C1orf87: variants seen among roughly 807,000 people sequenced by gnomAD.
C1orf87 encodes uncharacterized protein C1orf87.
C1orf87 carries 58 observed loss-of-function variants against 60.5 expected under a neutral mutation model. The ratio of observed to expected loss-of-function variants is 0.96; its 90% confidence interval spans 0.78 to 1.19. C1orf87 has a LOEUF of 1.19. Among genes scored for constraint, C1orf87 ranks in the 50% most tolerant of loss-of-function variants. C1orf87 has a pLI of 0.00. For synonymous variants in C1orf87, 236 were observed against 227.4 expected (o/e 1.04, Z -0.34); for missense variants, 673 against 638.6 (o/e 1.05, Z -0.58).
chr1:60,040,807 G>A (rs1173708236), intron 4 of C1orf87, among the ~76,000 whole-genome samples, 184 bp downstream of exon 4: 1 of 145,194 alleles, frequency 6.9e-6, no homozygotes, highest in Non-Finnish European at 1.5e-5. Flanking sequence ...TGTCCAGGCT[G>A]GTCTCAAACT....
At chr1:60,047,969 G>A (rs1645385215) in intron 3 of C1orf87, among the ~76,000 whole-genome samples, 1 of 151,930 alleles carries the variant, frequency 6.6e-6, no homozygotes, top group Non-Finnish European at 1.5e-5. Flanking sequence ...TTAATATATA[G>A]TTAGGTTCAT....
chr1:60,006,919 C>CTTT (rs112399680), intron 9 of C1orf87, among the ~76,000 whole-genome samples: 23 of 149,972 alleles, frequency 1.5e-4, no homozygotes, highest in Middle Eastern at 3.4e-3. Context: ...CTCTTGCATA[C>CTTT]TTTTTTTTTT....
chr1:60,056,016 C>A (rs639310), intron 2 of C1orf87, among the ~76,000 whole-genome samples: 43 of 151,908 alleles, frequency 2.8e-4, no homozygotes, highest in African/African-American at 9.2e-4. Context: ...GAGGCTGAGG[C>A]GGGTGGATCA....
At chr1:60,058,754 C>T (rs1393023565) in intron 2 of C1orf87, among the ~76,000 whole-genome samples, 1 of 152,150 alleles carries the variant, frequency 6.6e-6, no homozygotes, top group Non-Finnish European at 1.5e-5. Context: ...ATTGCACAGA[C>T]TCAGATCCTA....
chr1:60,060,697 A>G (rs1645490802), intron 2 of C1orf87, among the ~76,000 whole-genome samples: 1 of 151,910 alleles, frequency 6.6e-6, no homozygotes, highest in Admixed American at 6.5e-5. Context: ...CCCCCCCTTT[A>G]AAAAACAAAG....
intron 11 of C1orf87, among the ~76,000 whole-genome samples, chr1:59,992,232 T>C (rs1644929133): frequency 8.3e-6 from 1 of 120,304 alleles, no homozygotes; most frequent in Non-Finnish European, 1.7e-5. Flanking sequence ...GTCTATTTAT[T>C]TATTTATTTA....
intron 3 of C1orf87, among the ~76,000 whole-genome samples, chr1:60,042,273 T>C (rs906764272): frequency 2.0e-5 from 3 of 152,196 alleles, no homozygotes; most frequent in East Asian, 1.9e-4. Context: ...TTGTTTTTTT[T>C]ACCCGGGCTG....
intron 2 of C1orf87, among the ~76,000 whole-genome samples, chr1:60,066,660 C>G (rs1278067617): frequency 1.3e-5 from 2 of 151,958 alleles, no homozygotes; most frequent in African/African-American, 4.8e-5. Context: ...ATTTTGACAT[C>G]CTCCCATGAA....
At chr1:60,045,610 T>C (rs900372105) in intron 3 of C1orf87, among the ~76,000 whole-genome samples, 22 of 152,198 alleles carry the variant, frequency 1.4e-4, no homozygotes, top group African/African-American at 5.1e-4. Flanking sequence ...CCACCAGAGA[T>C]GAAGTGAGCC....
rs779557194 is a variant in C1orf87 at position 60,039,915 on chromosome 1, A to T, written c.747+2T>A. 2.5e-6 allele frequency: 4 copies of T among 1,612,620 alleles called. No homozygotes were observed. The highest frequency in any genetic ancestry group is 2.2e-5 in the East Asian group (1 of 44,874). ...ACACTTCCAATAGTACAATTGCCAT[A>T]CCATTTCAGGAGAACCCCTCTTAGA... is the stretch of plus-strand genomic sequence containing the variant. On this transcript the variant is annotated splice_donor_variant, in intron 5 of 11. Coordinates refer to ENST00000371201, the MANE Select transcript of C1orf87 (RefSeq NM_152377.3). LOFTEE classifies it high-confidence loss of function.
intron 8 of C1orf87, among the ~76,000 whole-genome samples, chr1:60,021,304 C>T (rs1410715908): frequency 1.3e-5 from 2 of 152,180 alleles, no homozygotes; most frequent in African/African-American, 4.8e-5. Context: ...GGAAAATAGT[C>T]ATGCCCCTTG....
chr1:60,027,018 T>C (rs1166412511), intron 7 of C1orf87, among the ~76,000 whole-genome samples: 2 of 152,204 alleles, frequency 1.3e-5, no homozygotes, highest in Non-Finnish European at 2.9e-5. Flanking sequence ...CAACAAAACG[T>C]TCAAAATCCA....
At chr1:60,001,197 G>C in intron 9 of C1orf87, 41 bp from the exon 10 acceptor site, 2 of 1,431,206 alleles carry the variant, frequency 1.4e-6, no homozygotes, top group Non-Finnish European at 1.9e-6. Flanking sequence ...GGTTTAGCTT[G>C]GTCTCTTCAT....
chr1:60,028,733 G>A (rs538478554), intron 7 of C1orf87, among the ~76,000 whole-genome samples: 2 of 152,120 alleles, frequency 1.3e-5, no homozygotes, highest in East Asian at 3.9e-4. Flanking sequence ...GAACCTCCGT[G>A]GTTTTAAATT....
intron 8 of C1orf87, 135 bp from the exon 9 acceptor site, chr1:60,010,591 GA>G (rs1296031683): frequency 1.4e-6 from 1 of 710,122 alleles, no homozygotes; most frequent in East Asian, 2.7e-5. Flanking sequence ...TCCAATGCAG[GA>G]AACAGAAACT....
chr1:60,044,909 G>C (rs1240719924), intron 3 of C1orf87, among the ~76,000 whole-genome samples: 1 of 152,146 alleles, frequency 6.6e-6, no homozygotes, highest in African/African-American at 2.4e-5. Context: ...TGTGATGTTT[G>C]CCTAAAAGAA....
At chr1:60,019,770 C>T (rs1350286561) in intron 8 of C1orf87, among the ~76,000 whole-genome samples, 1 of 152,146 alleles carries the variant, frequency 6.6e-6, no homozygotes, top group Non-Finnish European at 1.5e-5. Flanking sequence ...TTTGCCCTTG[C>T]CTTAGATATC....
chr1:60,005,746 C>T (rs768475468), intron 9 of C1orf87, among the ~76,000 whole-genome samples: 1 of 150,704 alleles, frequency 6.6e-6, no homozygotes, highest in Non-Finnish European at 1.5e-5. Flanking sequence ...CCCCATGGGC[C>T]ACACCATGTG....
At chr1:60,009,569 C>G (rs147816308) in intron 9 of C1orf87, among the ~76,000 whole-genome samples, 319 of 151,952 alleles carry the variant, frequency 2.1e-3, no homozygotes, top group African/African-American at 7.5e-3. Flanking sequence ...CTTGAAATAC[C>G]TAGTAAAGTT....
Sources: gnomAD v4.1 joint callset for allele counts (sites outside exome capture counted in the v4.1 genomes callset) on GRCh38, gnomAD v4.1.1 for gene constraint, MANE v1.5 for transcripts, NCBI Gene and HGNC (gene_info 2026-07-23, HGNC 2026-07-21) for gene names.